The following AOX1 variants were observed in gnomAD, a reference collection of about 807,000 sequenced individuals.
AOX1 encodes the protein aldehyde oxidase 1.
In AOX1, 153 loss-of-function variants were observed where a neutral mutation model predicts 169.5. The observed-to-expected ratio is 0.90, with a 90% CI of 0.79 to 1.03. The LOEUF (loss-of-function observed/expected upper bound fraction) is 1.03, where lower values mean the gene tolerates loss of function less well. AOX1 is among the 50% of genes least tolerant of loss of function. The pLI, the probability that AOX1 is intolerant of heterozygous loss-of-function variation, is 0.00. For synonymous variants in AOX1, 562 were observed against 581.9 expected (o/e 0.97, Z 0.49); for missense variants, 1,656 against 1,663.9 (o/e 1.00, Z 0.08).
chr2:200,587,115 C>A (rs530775248), intron 1 of AOX1, among the ~76,000 whole-genome samples: 102 of 146,928 alleles, frequency 6.9e-4, no homozygotes, highest in African/African-American at 2.6e-3. Context: ...AAAAAAAAAC[C>A]AAACAAAACA....
intron 1 of AOX1, 69 bp downstream of exon 1, chr2:200,586,222 C>T (rs2034028091): frequency 4.1e-6 from 6 of 1,453,020 alleles, no homozygotes; most frequent in African/African-American, 1.4e-5. Context: ...GAGCCCCTGC[C>T]GTTCGTCCCA....
chr2:200,664,916 T>G (rs1360686200), intron 31 of AOX1, among the ~76,000 whole-genome samples: 1 of 152,168 alleles, frequency 6.6e-6, no homozygotes, highest in Admixed American at 6.5e-5. Context: ...GTGGCTTATC[T>G]GGGTGATTCT....
chr2:200,666,553 G>T (rs2035927305), intron 31 of AOX1, 134 bp from the exon 32 acceptor site: 1 of 471,218 alleles, frequency 2.1e-6, no homozygotes, highest in Non-Finnish European at 3.6e-6. Context: ...TAAAATCTTT[G>T]TTGCTTCTTT....
intron 15 of AOX1, 60 bp downstream of exon 15, chr2:200,614,026 T>G: frequency 1.3e-6 from 2 of 1,493,034 alleles, no homozygotes; most frequent in Non-Finnish European, 1.8e-6. Context: ...ACACCAAAAG[T>G]AGAGGCAATG....
chr2:200,606,882 G>C (rs1001800970), intron 10 of AOX1, among the ~76,000 whole-genome samples: 5 of 152,126 alleles, frequency 3.3e-5, no homozygotes, highest in Non-Finnish European at 7.4e-5. Context: ...GAGTTTTTGG[G>C]CTGAGACGAT....
chr2:200,669,751 G>C lies in AOX1; in HGVS notation c.3966+9G>C, dbSNP rs1317617694. The C allele has an allele frequency of 1.2e-6, 2 of 1,606,314 alleles. No homozygotes were observed. The highest frequency in any genetic ancestry group is 1.7e-6 in the Non-Finnish European group (2 of 1,177,062). On this transcript the variant is annotated intron_variant, in intron 34 of 34. Coordinates refer to ENST00000374700, the MANE Select transcript of AOX1 (RefSeq NM_001159.4). ...ACAAGTTCACAAAAATGGTACGTTTGCATGGTAGAAAAAAAATAGTGATCA... is the reference window on the plus strand; with the variant it reads ...ACAAGTTCACAAAAATGGTACGTTTCCATGGTAGAAAAAAAATAGTGATCA...
intron 12 of AOX1, among the ~76,000 whole-genome samples, chr2:200,611,000 C>T (rs1986390): frequency 0.35 from 53,848 of 151,856 alleles, 9,656 homozygotes; most frequent in East Asian, 0.44. Context: ...ACTACAGGTG[C>T]GCACAACCAT....
chr2:200,620,766 C>G lies in AOX1; in HGVS notation c.1821C>G (p.Asp607Glu), dbSNP rs1354049222. 1 of 1,608,692 alleles carries G rather than the reference C, an allele frequency of 6.2e-7. No individual in the cohort carries two copies. Among genetic ancestry groups the G allele is most frequent in the East Asian group, 2.2e-5 (1 of 44,568 alleles). ...ACTGTGATGACATGCCTCTGGTGGACCAGGAACTTTTCTTGACTTTTGTGA... is the reference window on the plus strand; with the variant it reads ...ACTGTGATGACATGCCTCTGGTGGAGCAGGAACTTTTCTTGACTTTTGTGA... ...AIYCDDMPLV[D>E]QELFLTFVTS... is the part of the protein sequence containing the mutation. The change falls in exon 17 of 35, where the codon GAC becomes GAG. Residue 607 changes from aspartate (D) to glutamate (E), a missense_variant. Coordinates refer to ENST00000374700, the MANE Select transcript of AOX1 (RefSeq NM_001159.4).
intron 25 of AOX1, 112 bp downstream of exon 25, chr2:200,642,913 G>T: frequency 9.5e-7 from 1 of 1,056,746 alleles, no homozygotes; most frequent in South Asian, 1.6e-5. Context: ...AATGATTTGT[G>T]CCAAGTCCCC....
At chr2:200,634,719 G>A in intron 20 of AOX1, 72 bp from the exon 21 acceptor site, 1 of 1,583,056 alleles carries the variant, frequency 6.3e-7, no homozygotes, top group Non-Finnish European at 8.6e-7. Flanking sequence ...CTGCATAACG[G>A]GATAATACCT....
At chr2:200,638,097 T>C in intron 22 of AOX1, 118 bp from the exon 23 acceptor site, 1 of 800,268 alleles carries the variant, frequency 1.2e-6, no homozygotes, top group South Asian at 1.5e-5. Flanking sequence ...TGCGAAATAG[T>C]TGTGTTGTTC....
At chr2:200,679,769 A>G (rs1444425848), downstream of AOX1, among the ~76,000 whole-genome samples, 2 of 152,140 alleles carry the variant, frequency 1.3e-5, no homozygotes, top group East Asian at 1.9e-4. Flanking sequence ...ATTCACATCT[A>G]TTATGGTTCC....
intron 20 of AOX1, among the ~76,000 whole-genome samples, chr2:200,631,644 G>C (rs1015137877): frequency 6.6e-6 from 1 of 152,092 alleles, no homozygotes; most frequent in African/African-American, 2.4e-5. Flanking sequence ...GGTGAAGAGG[G>C]GGCACTACGG....
downstream of AOX1, among the ~76,000 whole-genome samples, chr2:200,671,990 A>T (rs2036036154): frequency 6.6e-6 from 1 of 152,244 alleles, no homozygotes; most frequent in African/African-American, 2.4e-5. Context: ...GCACTATTAC[A>T]TGTGACAACA....
chr2:200,637,157 C>G, intron 22 of AOX1, 113 bp downstream of exon 22: 1 of 1,271,046 alleles, frequency 7.9e-7, no homozygotes, highest in Non-Finnish European at 1.1e-6. Flanking sequence ...ATATACGATA[C>G]AAACACACAA....
intron 34 of AOX1, 49 bp from the exon 35 acceptor site, chr2:200,670,580 G>A (rs202098154): frequency 6.5e-7 from 1 of 1,530,848 alleles, no homozygotes; most frequent in East Asian, 2.2e-5. Flanking sequence ...TTTCACCTAA[G>A]TCACAAACAT....
At chr2:200,610,008 T>C (rs1340795287) in intron 12 of AOX1, among the ~76,000 whole-genome samples, 1 of 152,190 alleles carries the variant, frequency 6.6e-6, no homozygotes, top group Non-Finnish European at 1.5e-5. Flanking sequence ...TTAAAAAATA[T>C]GGACTAGTTT....
In AOX1 at chr2:200,634,827, T is replaced by C. The variant is rs761273410; in HGVS notation, c.2258T>C (p.Met753Thr). The C allele has an allele frequency of 6.2e-7, 1 of 1,614,074 alleles. No homozygotes were observed. The highest frequency in any genetic ancestry group is 1.7e-5 in the Admixed American group (1 of 60,004). ...ATGGGAGGTCAAGAACATTTTTATATGGAAACCCAAAGCATGCTTGTCGTT... is the reference window on the plus strand; with the variant it reads ...ATGGGAGGTCAAGAACATTTTTATACGGAAACCCAAAGCATGCTTGTCGTT... The part of the protein sequence containing the change: ...IHMGGQEHFY[M>T]ETQSMLVVPK... Residue 753 changes from methionine to threonine, a missense_variant, in exon 21 of 35, where the codon ATG becomes ACG. Physicochemically the swap from Met to Thr is moderately conservative, Grantham distance 81 (BLOSUM62 -1). Transcript: ENST00000374700.
chr2:200,588,905 C>T (rs72927954), intron 1 of AOX1, among the ~76,000 whole-genome samples: 16,448 of 151,374 alleles, frequency 0.11, 1,074 homozygotes, highest in Non-Finnish European at 0.15. Flanking sequence ...CTCCCTGACT[C>T]GGCCTCCCAA....
Sources: allele counts gnomAD v4.1 joint callset (sites outside exome capture counted in the v4.1 genomes callset), GRCh38; gene constraint gnomAD v4.1.1; transcripts MANE v1.5; gene names NCBI Gene and HGNC (gene_info 2026-07-23, HGNC 2026-07-21).